TSPAN18: variants seen among roughly 807,000 people sequenced by gnomAD.
TSPAN18 encodes tetraspanin 18, also known as tetraspanin-18.
In TSPAN18, 14 loss-of-function variants were observed where a neutral mutation model predicts 27.3. The observed-to-expected ratio is 0.51, with a 90% CI of 0.34 to 0.80. The LOEUF (loss-of-function observed/expected upper bound fraction) is 0.80. TSPAN18 is among the 30% of genes least tolerant of loss of function. TSPAN18 has a pLI of 0.01. For missense variants in TSPAN18, 268 were observed against 323.9 expected (o/e 0.83, Z 1.32); for synonymous variants, 143 against 136.5 (o/e 1.05, Z -0.33).
chr11:44,782,410 G>C (rs548960118), intron 2 of TSPAN18, among the ~76,000 whole-genome samples: 21 of 152,184 alleles, frequency 1.4e-4, no homozygotes, highest in Non-Finnish European at 2.6e-4. Flanking sequence ...GAGCGTAGTA[G>C]TGGGCGCCTG....
chr11:44,927,677 C>G (rs1860418190), intron 9 of TSPAN18, among the ~76,000 whole-genome samples: 1 of 152,174 alleles, frequency 6.6e-6, no homozygotes, highest in Admixed American at 6.5e-5. Flanking sequence ...TTGAACAAGT[C>G]CCCTCATGGA....
intron 2 of TSPAN18, among the ~76,000 whole-genome samples, chr11:44,768,704 G>T (rs1855623642): frequency 6.6e-6 from 1 of 152,096 alleles, no homozygotes; most frequent in South Asian, 2.1e-4. Context: ...AATTGAGTAT[G>T]ATATTAACTA....
chr11:44,804,877 C>T (rs1856558897), intron 2 of TSPAN18, among the ~76,000 whole-genome samples: 1 of 152,270 alleles, frequency 6.6e-6, no homozygotes, highest in South Asian at 2.1e-4. Context: ...TGAGTTCCGA[C>T]GGAGGTAGAG....
chr11:44,848,541 A>T (rs1273436243), intron 2 of TSPAN18, among the ~76,000 whole-genome samples: 2 of 151,620 alleles, frequency 1.3e-5, no homozygotes, highest in African/African-American at 4.9e-5. Flanking sequence ...TCTGCCTGTT[A>T]CTCGCCTGGC....
chr11:44,763,954 G>A (rs1340281695), intron 1 of TSPAN18, among the ~76,000 whole-genome samples: 1 of 152,112 alleles, frequency 6.6e-6, no homozygotes, highest in African/African-American at 2.4e-5. Flanking sequence ...TGTACAGGAA[G>A]CATGACAGCA....
intron 2 of TSPAN18, among the ~76,000 whole-genome samples, chr11:44,858,403 A>G (rs1289143959): frequency 1.3e-5 from 2 of 152,204 alleles, no homozygotes; most frequent in Non-Finnish European, 2.9e-5. Context: ...TATTACAAGC[A>G]CAGGCTTCAA....
chr11:44,895,422 C>T (rs1473477334), intron 3 of TSPAN18, among the ~76,000 whole-genome samples: 4 of 152,176 alleles, frequency 2.6e-5, no homozygotes, highest in African/African-American at 9.7e-5. Context: ...GGTGACTTTC[C>T]CAAGGTCTCC....
chr11:44,853,281 G>A (rs544053390), intron 2 of TSPAN18, among the ~76,000 whole-genome samples: 3 of 152,178 alleles, frequency 2.0e-5, no homozygotes, highest in Non-Finnish European at 2.9e-5. Flanking sequence ...GGTTAGGGAC[G>A]TAGAGTCCAT....
intron 2 of TSPAN18, among the ~76,000 whole-genome samples, chr11:44,829,631 A>G (rs1165961105): frequency 6.6e-6 from 1 of 152,198 alleles, no homozygotes; most frequent in Non-Finnish European, 1.5e-5. Flanking sequence ...CATGAAAAAA[A>G]CTGCTGTAAA....
intron 2 of TSPAN18, among the ~76,000 whole-genome samples, chr11:44,815,865 G>T (rs1293444935): frequency 6.6e-6 from 1 of 152,162 alleles, no homozygotes; most frequent in East Asian, 1.9e-4. Flanking sequence ...GACCAGTAAA[G>T]GCAATGAGGT....
At chr11:44,892,910 T>G (rs563228637) in intron 3 of TSPAN18, among the ~76,000 whole-genome samples, 75 of 152,312 alleles carry the variant, frequency 4.9e-4, no homozygotes, top group African/African-American at 1.7e-3. Flanking sequence ...TATAAAGCAC[T>G]TTCAGGAGTT....
chr11:44,780,409 C>T (rs533774484), intron 2 of TSPAN18, among the ~76,000 whole-genome samples: 9 of 152,340 alleles, frequency 5.9e-5, no homozygotes, highest in African/African-American at 2.2e-4. Context: ...AAGTGCCCTC[C>T]GAGGCTGGGT....
intron 3 of TSPAN18, among the ~76,000 whole-genome samples, chr11:44,896,474 G>A (rs1237798240): frequency 6.6e-6 from 1 of 152,140 alleles, no homozygotes; most frequent in Admixed American, 6.5e-5. Flanking sequence ...TGTACCCCAA[G>A]TGCACGGAGT....
At chr11:44,803,272 CT>C (rs1411055673) in intron 2 of TSPAN18, among the ~76,000 whole-genome samples, 3 of 152,016 alleles carry the variant, frequency 2.0e-5, no homozygotes, top group Admixed American at 1.3e-4. Context: ...AGGACTGGGG[CT>C]GGGAAGATGA....
At chr11:44,784,448 T>A (rs893082669) in intron 2 of TSPAN18, among the ~76,000 whole-genome samples, 1 of 152,168 alleles carries the variant, frequency 6.6e-6, no homozygotes, top group Non-Finnish European at 1.5e-5. Context: ...ACAAAGGCCA[T>A]AGATGTTGAG....
At chr11:44,779,920 A>G (rs1363125660) in intron 2 of TSPAN18, among the ~76,000 whole-genome samples, 1 of 151,934 alleles carries the variant, frequency 6.6e-6, no homozygotes, top group Admixed American at 6.6e-5. Flanking sequence ...CCTGTGCACA[A>G]CTACACACAT....
intron 1 of TSPAN18, among the ~76,000 whole-genome samples, chr11:44,740,209 C>T (rs1169741803): frequency 6.6e-6 from 1 of 152,112 alleles, no homozygotes; most frequent in East Asian, 1.9e-4. Context: ...GGTGCAGGGG[C>T]CTGGGCTAGG....
In TSPAN18 at chr11:44,919,894, A is replaced by G. The variant is rs1226678990; in HGVS notation, c.510A>G (p.Glu170=). The G allele has an allele frequency of 6.2e-7, 1 of 1,614,098 alleles. No individual in the cohort carries two copies. The highest frequency in any genetic ancestry group is 1.3e-5 in the African/African-American group (1 of 74,936). ...SVFRLLTLDS[E]EVPEACCRRE... Reference sequence around the variant, plus strand: ...TTCGACTCCTGACCCTGGATAGTGAAGAGGTGCCGGAGGCCTGCTGCCGGA... The same window carrying G: ...TTCGACTCCTGACCCTGGATAGTGAGGAGGTGCCGGAGGCCTGCTGCCGGA... The change falls in exon 8 of 10, where the codon GAA becomes GAG. Residue 170 remains glutamate, a synonymous_variant. Transcript: ENST00000520358.
chr11:44,747,786 T>C (rs1296781117), intron 1 of TSPAN18, among the ~76,000 whole-genome samples: 1 of 152,124 alleles, frequency 6.6e-6, no homozygotes, highest in Non-Finnish European at 1.5e-5. Context: ...CTCACTCTCA[T>C]CTTTCCACAC....
Sources: gnomAD v4.1 joint callset for allele counts (sites outside exome capture counted in the v4.1 genomes callset) on GRCh38, gnomAD v4.1.1 for gene constraint, MANE v1.5 for transcripts, NCBI Gene and HGNC (gene_info 2026-07-23, HGNC 2026-07-21) for gene names.